Variants in CTTNBP2 observed in about 807,000 individuals in gnomAD.
CTTNBP2 encodes cortactin binding protein 2.
In CTTNBP2, 108 loss-of-function variants were observed where a neutral mutation model predicts 156.9. The observed-to-expected ratio is 0.69, with a 90% CI of 0.59 to 0.81. CTTNBP2 has a LOEUF of 0.81. Among genes scored for constraint, CTTNBP2 ranks in the 30% least tolerant of loss-of-function variants. The pLI, the probability that CTTNBP2 is intolerant of heterozygous loss-of-function variation, is 0.00. For synonymous variants in CTTNBP2, 767 were observed against 751.8 expected (o/e 1.02, Z -0.33); for missense variants, 1,924 against 2,035.4 (o/e 0.95, Z 1.05).
intron 10 of CTTNBP2, 45 bp from the exon 11 acceptor site, chr7:117,758,015 TG>T (rs2116633287): frequency 1.4e-6 from 2 of 1,444,030 alleles, no homozygotes; most frequent in South Asian, 1.2e-5. Flanking sequence ...AGCTTATGAG[TG>T]GTTTTTCTCA....
intron 2 of CTTNBP2, among the ~76,000 whole-genome samples, chr7:117,822,797 A>G (rs2402266): frequency 0.71 from 108,041 of 152,056 alleles, 39,142 homozygotes; most frequent in African/African-American, 0.86. Flanking sequence ...ACATGCACTT[A>G]ACCAGAGTGT....
At position 117,719,566 on chromosome 7, in the gene CTTNBP2, C is replaced by T; in HGVS notation, c.4582G>A (p.Ala1528Thr). 6.2e-7 allele frequency: 1 copy of T among 1,613,820 alleles called. No individual in the cohort carries two copies. ...CTCTGAAGTTCCTTGACAAGATCTG[C>T]TTCGTCATCTGAACCCAGAGAGAGT... ...QRLSLGSDDE[A>T]DLVKELQSMC... Residue 1528 changes from alanine to threonine, a missense_variant, in exon 21 of 23, where the codon GCA becomes ACA. By Grantham distance (58) the Ala-to-Thr change is moderately conservative. Coordinates refer to ENST00000160373, the MANE Select transcript of CTTNBP2 (RefSeq NM_033427.3).
At chr7:117,843,153 C>G (rs1409365779) in intron 2 of CTTNBP2, among the ~76,000 whole-genome samples, 1 of 152,142 alleles carries the variant, frequency 6.6e-6, no homozygotes, top group Non-Finnish European at 1.5e-5. Flanking sequence ...CTTACACTGA[C>G]TTAAATATTA....
chr7:117,718,206 C>CAGAAGTGTTACTCTTATCCT (rs1339155898), intron 21 of CTTNBP2, 87 bp from the exon 22 acceptor site: 2 of 789,500 alleles, frequency 2.5e-6, no homozygotes, highest in African/African-American at 3.4e-5. Context: ...GAAATCACAG[C>CAGAAGTGTTACTCTTATCCT]AGAAGTGTTA....
chr7:117,798,193 A>T (rs1053329315), intron 3 of CTTNBP2, among the ~76,000 whole-genome samples: 1 of 152,162 alleles, frequency 6.6e-6, no homozygotes, highest in African/African-American at 2.4e-5. Flanking sequence ...TATCTCACTT[A>T]AAAAACCTAG....
chr7:117,830,237 T>C (rs1334109443), intron 2 of CTTNBP2, among the ~76,000 whole-genome samples: 1 of 152,236 alleles, frequency 6.6e-6, no homozygotes, highest in Non-Finnish European at 1.5e-5. Context: ...CAAGTACATG[T>C]ACAGCGTGTA....
intron 14 of CTTNBP2, among the ~76,000 whole-genome samples, chr7:117,739,189 G>A (rs1326999986): frequency 6.6e-6 from 1 of 152,154 alleles, no homozygotes; most frequent in Non-Finnish European, 1.5e-5. Context: ...TTGAGAAATA[G>A]TACGTGTCTA....
intron 21 of CTTNBP2, 146 bp downstream of exon 21, chr7:117,719,358 G>A: frequency 1.0e-5 from 7 of 691,088 alleles, no homozygotes; most frequent in Non-Finnish European, 1.6e-5. Context: ...GGAAGAAACG[G>A]CCTTTCTAAG....
At chr7:117,801,262 A>G (rs1380363712) in intron 3 of CTTNBP2, among the ~76,000 whole-genome samples, 1 of 152,250 alleles carries the variant, frequency 6.6e-6, no homozygotes, top group African/African-American at 2.4e-5. Flanking sequence ...TTCTCCACAA[A>G]TTAGTTATTA....
chr7:117,854,493 C>A (rs575659251), intron 2 of CTTNBP2, among the ~76,000 whole-genome samples: 1 of 152,216 alleles, frequency 6.6e-6, no homozygotes, highest in African/African-American at 2.4e-5. Context: ...AAAGTGATTG[C>A]CTTTGTTCTA....
chr7:117,781,436 G>A (rs1584994160), intron 6 of CTTNBP2, among the ~76,000 whole-genome samples: 1 of 152,122 alleles, frequency 6.6e-6, no homozygotes, highest in African/African-American at 2.4e-5. Context: ...ATGTGTATCA[G>A]ACACATTTAA....
intron 2 of CTTNBP2, among the ~76,000 whole-genome samples, chr7:117,858,152 C>T (rs1429500859): frequency 3.3e-5 from 5 of 152,196 alleles, no homozygotes; most frequent in Non-Finnish European, 7.3e-5. Flanking sequence ...GGGCAGATCA[C>T]GAGGTCAGGA....
At chr7:117,781,748 G>A (rs1457911195) in intron 6 of CTTNBP2, among the ~76,000 whole-genome samples, 1 of 152,036 alleles carries the variant, frequency 6.6e-6, no homozygotes, top group African/African-American at 2.4e-5. Flanking sequence ...AAGAAAGAAA[G>A]AAAAAAATCC....
At chr7:117,729,868 C>CACAGG (rs1795310308) in intron 16 of CTTNBP2, among the ~76,000 whole-genome samples, 2 of 152,126 alleles carry the variant, frequency 1.3e-5, no homozygotes, top group African/African-American at 4.8e-5. Flanking sequence ...TCAGCTGGGT[C>CACAGG]TCTCACAGGA....
At chr7:117,743,730 C>A (rs1796148963) in intron 14 of CTTNBP2, among the ~76,000 whole-genome samples, 1 of 133,184 alleles carries the variant, frequency 7.5e-6, no homozygotes, top group Non-Finnish European at 1.5e-5. Flanking sequence ...CCACCACACT[C>A]CAGCCCTGGT....
chr7:117,719,783 G>T, intron 20 of CTTNBP2, 147 bp from the exon 21 acceptor site: 1 of 561,484 alleles, frequency 1.8e-6, no homozygotes, highest in Non-Finnish European at 2.9e-6. Context: ...GTCATTTAAT[G>T]CAAGAAATTT....
At chr7:117,731,632 G>A (rs1468155841) in intron 16 of CTTNBP2, among the ~76,000 whole-genome samples, 2 of 152,226 alleles carry the variant, frequency 1.3e-5, no homozygotes, top group Non-Finnish European at 2.9e-5. Flanking sequence ...TTCAACCTTA[G>A]TACTGGAGCT....
At chr7:117,780,651 T>A in intron 6 of CTTNBP2, 60 bp from the exon 7 acceptor site, 1 of 1,023,470 alleles carries the variant, frequency 9.8e-7, no homozygotes, top group South Asian at 1.9e-5. Context: ...AAGCACCACC[T>A]AACCAAGATA....
chr7:117,873,150 C>T (rs1804743466), intron 1 of CTTNBP2, among the ~76,000 whole-genome samples, 185 bp downstream of exon 1: 1 of 152,142 alleles, frequency 6.6e-6, no homozygotes, highest in Admixed American at 6.5e-5. Context: ...GTGGCCGCTC[C>T]GCTCCCCCCC....
Sources: allele counts gnomAD v4.1 joint callset (sites outside exome capture counted in the v4.1 genomes callset), GRCh38; gene constraint gnomAD v4.1.1; transcripts MANE v1.5; gene names NCBI Gene and HGNC (gene_info 2026-07-23, HGNC 2026-07-21).